Variants in KIF13A observed in about 807,000 individuals in gnomAD.
KIF13A encodes kinesin family member 13A.
In KIF13A, 79 loss-of-function variants were observed where a neutral mutation model predicts 212.2. The ratio of observed to expected loss-of-function variants is 0.37; its 90% CI spans 0.31 to 0.45. The LOEUF (loss-of-function observed/expected upper bound fraction) is 0.45, where lower values mean the gene tolerates loss of function less well. Among genes scored for constraint, KIF13A ranks in the 20% least tolerant of loss-of-function variants. The pLI is 1.00. For missense variants in KIF13A, 1,901 were observed against 2,209.0 expected, an observed-to-expected ratio of 0.86 and a Z score of 2.79; for synonymous variants, 789 against 808.6, an observed-to-expected ratio of 0.98 and a Z score of 0.41.
chr6:17,923,988 C>T lies in KIF13A; in HGVS notation c.147-25808G>A, dbSNP rs149585196. On this transcript the variant is annotated intron_variant, in intron 2 of 38. Transcript: ENST00000259711. ...TATCTTCAGCACCCACTTCAATATC[C>T]GACACATGGAAGAGCTAAAAAATCT... is the stretch of plus-strand genomic sequence containing the variant. Among the ~76,000 whole-genome samples, 24 of 152,080 alleles carry T rather than the reference C, an allele frequency of 1.6e-4. 2 individuals carry two copies. The East Asian group carries it at 2.5e-3, about 16-fold the overall frequency.
rs59705448 is a variant in KIF13A, at chr6:17,777,396, T to TC, written c.4093-43dup. ...TTGAAAATAACACTTTTTTTTTTTT[T>TC]CCCCAGAGACAGAGTCTCACTCTGT... On this transcript the variant is annotated intron_variant, in intron 33 of 38. Coordinates refer to ENST00000259711, the MANE Select transcript of KIF13A (RefSeq NM_022113.6). The surrounding 1 kb of genome is among the most constrained non-coding windows in gnomAD (Gnocchi z 4.4). The TC allele has an allele frequency of 5.0e-4, 713 of 1,437,580 alleles. 5 individuals carry two copies. In the African/African-American group the frequency reaches 6.5e-3, roughly 13 times the overall value. 89.1% of individuals were successfully genotyped at this position (1,437,580 alleles called of 1,614,324 possible). A position where few individuals can be genotyped will look rare whatever the true frequency, so the allele number is the denominator to read the frequency against.
intron 2 of KIF13A, among the ~76,000 whole-genome samples, chr6:17,901,235 CCTT>C (rs1773037586): frequency 6.6e-6 from 1 of 151,992 alleles, no homozygotes; most frequent in South Asian, 2.1e-4. Flanking sequence ...GGCTATATGT[CCTT>C]CTTTGGTAGT....
chr6:17,836,795 C>A, intron 11 of KIF13A, 83 bp downstream of exon 11: 8 of 1,210,100 alleles, frequency 6.6e-6, no homozygotes, highest in Non-Finnish European at 9.6e-6. Context: ...AGATGACCTA[C>A]AATTGCAAAT....
intron 17 of KIF13A, among the ~76,000 whole-genome samples, chr6:17,810,649 G>T (rs1030710650): frequency 2.0e-5 from 3 of 152,186 alleles, no homozygotes; most frequent in African/African-American, 7.2e-5. Flanking sequence ...CCATAATGTA[G>T]AATCAGTGGG....
chr6:17,916,557 T>C (rs2150512905), intron 2 of KIF13A, among the ~76,000 whole-genome samples: 2 of 152,374 alleles, frequency 1.3e-5, no homozygotes, highest in East Asian at 3.8e-4. Context: ...GCATTTTATT[T>C]GAATCTACTA....
Position 17,799,792 on chromosome 6 carries a change from G to A in KIF13A, c.2616+160C>T, listed in dbSNP as rs1453378392. ...TTTGATGCAACTGTCATAAGAAAGT[G>A]TGCTATATTTCTGAAAACAAAGTAC... On this transcript the variant is annotated intron_variant, in intron 21 of 38. Transcript: ENST00000259711. The surrounding 1 kb of genome is among the most constrained non-coding windows in gnomAD (Gnocchi z 4.4). Among the ~76,000 whole-genome samples the A allele has an allele frequency of 6.6e-6, 1 of 152,190 alleles. No homozygotes were observed. The highest frequency in any genetic ancestry group is 1.9e-4 in the East Asian group (1 of 5,196).
At chr6:17,853,280 T>A (rs1310346784) in intron 6 of KIF13A, among the ~76,000 whole-genome samples, 2 of 152,096 alleles carry the variant, frequency 1.3e-5, no homozygotes, top group Admixed American at 6.6e-5. Context: ...GTACACAGCT[T>A]ACTCTGCTTG....
intron 4 of KIF13A, among the ~76,000 whole-genome samples, chr6:17,858,378 G>A (rs777436077): frequency 6.6e-4 from 100 of 152,092 alleles, no homozygotes; most frequent in Non-Finnish European, 1.1e-3. Context: ...ATGCAAATAC[G>A]TGTATATTCA....
At chr6:17,852,824 G>T (rs986557220) in intron 6 of KIF13A, among the ~76,000 whole-genome samples, 1 of 152,190 alleles carries the variant, frequency 6.6e-6, no homozygotes, top group Non-Finnish European at 1.5e-5. Flanking sequence ...TACAGAAAGT[G>T]AGATTATAGT....
intron 2 of KIF13A, among the ~76,000 whole-genome samples, chr6:17,904,078 G>A (rs1185337728): frequency 1.3e-5 from 2 of 151,588 alleles, no homozygotes; most frequent in African/African-American, 4.9e-5. Context: ...GATCCCGTGA[G>A]CCCAGAAGGT....
chr6:17,920,645 G>T (rs1774979703), intron 2 of KIF13A, among the ~76,000 whole-genome samples: 4 of 152,134 alleles, frequency 2.6e-5, no homozygotes, highest in African/African-American at 9.7e-5. Flanking sequence ...AGGCCGAGGT[G>T]GGTGGATTAC....
intron 2 of KIF13A, among the ~76,000 whole-genome samples, chr6:17,932,838 A>T (rs1048666627): frequency 6.6e-5 from 10 of 151,870 alleles, no homozygotes; most frequent in Admixed American, 3.3e-4. Context: ...TGGCACCAAC[A>T]TCCCATGGAG....
At chr6:17,803,669 G>T (rs896354249) in intron 20 of KIF13A, among the ~76,000 whole-genome samples, 4 of 152,104 alleles carry the variant, frequency 2.6e-5, no homozygotes, top group Non-Finnish European at 5.9e-5. Flanking sequence ...CTCCTGAGTT[G>T]TATCTTACAA....
Position 17,809,516 on chromosome 6 carries a change from T to C in KIF13A, c.2001-586A>G, listed in dbSNP as rs1246227305. On this transcript the variant is annotated intron_variant, in intron 17 of 38. Coordinates refer to ENST00000259711, the MANE Select transcript of KIF13A (RefSeq NM_022113.6). This position sits in a 1 kb window ranked among gnomAD's most constrained non-coding sequence, Gnocchi z 4.7. ...CCCATGCCTTTAGCCTCCATAGCATTTGCCATAGTTAGAACTTTTCATTTT... is the reference window on the plus strand; with the variant it reads ...CCCATGCCTTTAGCCTCCATAGCATCTGCCATAGTTAGAACTTTTCATTTT... 6.6e-6 allele frequency among the ~76,000 whole-genome samples: 1 copy of C among 152,228 alleles called. No individual in the cohort carries two copies.
chr6:17,931,122 C>T (rs1775946113), intron 2 of KIF13A, among the ~76,000 whole-genome samples: 1 of 152,286 alleles, frequency 6.6e-6, no homozygotes, highest in East Asian at 1.9e-4. Context: ...ATGTTAAAGG[C>T]CAAACTGTGA....
chr6:17,851,053 T>C (rs1239876985), intron 7 of KIF13A, among the ~76,000 whole-genome samples: 1 of 152,224 alleles, frequency 6.6e-6, no homozygotes, highest in African/African-American at 2.4e-5. Context: ...TAGAGCACCC[T>C]GGCTCCTACT....
At chr6:17,878,094 C>T (rs17333400) in intron 3 of KIF13A, among the ~76,000 whole-genome samples, 27,893 of 152,054 alleles carry the variant, frequency 0.18, 2,740 homozygotes, top group South Asian at 0.31. Context: ...TTATGAAGCT[C>T]CCAGTGAGGT....
intron 2 of KIF13A, among the ~76,000 whole-genome samples, chr6:17,929,459 G>C (rs987204727): frequency 1.1e-4 from 16 of 151,182 alleles, no homozygotes; most frequent in African/African-American, 3.6e-4. Context: ...GGAGTGCAGT[G>C]GCACGATCTT....
intron 2 of KIF13A, chr6:17,950,671 G>A (rs1337685738): frequency 1.0e-6 from 1 of 984,834 alleles, no homozygotes; most frequent in Non-Finnish European, 1.2e-6. Flanking sequence ...AACTTTATGT[G>A]TCTAAGAGTC....
Sources: allele counts gnomAD v4.1 joint callset (sites outside exome capture counted in the v4.1 genomes callset), GRCh38; gene constraint gnomAD v4.1.1; non-coding constraint Gnocchi (gnomAD v3.1); transcripts MANE v1.5; gene names NCBI Gene and HGNC (gene_info 2026-07-23, HGNC 2026-07-21).